The following SPTAN1 variants were observed in gnomAD, a reference collection of about 807,000 sequenced individuals.
The protein encoded by SPTAN1 is spectrin alpha, non-erythrocytic 1.
Under a neutral mutation model 331.3 loss-of-function variants are expected in SPTAN1, and 61 were observed. The ratio of observed to expected loss-of-function variants is 0.18; its 90% confidence interval spans 0.15 to 0.23. The LOEUF is 0.23. Ranked by LOEUF, SPTAN1 falls within the 10% of genes least tolerant of loss-of-function variation. SPTAN1 has a pLI of 1.00. For synonymous variants in SPTAN1, 1,153 were observed against 1,173.9 expected, an observed-to-expected ratio of 0.98 and a Z score of 0.36; for missense variants, 2,043 against 3,147.9, an observed-to-expected ratio of 0.65 and a Z score of 8.40.
chr9:128,552,818 G>C lies in SPTAN1; in HGVS notation c.-4+122G>C, dbSNP rs1003809677. 1.4e-4 allele frequency: 21 copies of C among 152,220 alleles called. No homozygotes were observed. Among genetic ancestry groups the C allele is most frequent in the Non-Finnish European group, 8.8e-5 (6 of 68,096 alleles). The allele number at this position is 152,220 out of a possible 1,614,324, so 9.4% of individuals were successfully genotyped here. A position where few individuals can be genotyped will look rare whatever the true frequency, so the allele number is the denominator to read the frequency against. ...GGCGCGCGGACAGGTGAGCCGGGCG[G>C]GCCGCGGGGCTGCCTCCATTCGGCT... On this transcript the variant is annotated intron_variant, in intron 1 of 56. Transcript: ENST00000372739. The surrounding 1 kb of genome is among the most constrained non-coding windows in gnomAD (Gnocchi z 4.6).
chr9:128,609,092 A>G lies in SPTAN1; in HGVS notation c.4596-30A>G, dbSNP rs578253313. 641 of 1,614,072 alleles carry G rather than the reference A, an allele frequency of 4.0e-4. 12 individuals carry two copies. In the South Asian group the frequency reaches 6.7e-3, roughly 17 times the overall value. ...TCCTTCTCCACGGTAAGATATGCTC[A>G]TGTTGGATCTCATGGTTTCACTCTT... On this transcript the variant is annotated intron_variant, in intron 35 of 56. Transcript: ENST00000372739.
chr9:128,608,146 G>C lies in SPTAN1; in HGVS notation c.4361G>C (p.Cys1454Ser). 6.2e-7 allele frequency: 1 copy of C among 1,614,194 alleles called. No individual in the cohort carries two copies. Among genetic ancestry groups the C allele is most frequent in the South Asian group, 1.1e-5 (1 of 91,084 alleles). The change falls in exon 34 of 57, where the codon TGT (cysteine) becomes TCT (serine). Residue 1454 changes from cysteine (C) to serine (S), a missense_variant. Physicochemically the swap from Cys to Ser is moderately radical, Grantham distance 112. Transcript: ENST00000372739. ...CCTCTTTAGCTGTTCCATCGGGACT[G>C]TGAGCAAGCTGAGAACTGGATGGCT... ...CLELQLFHRDCEQAENWMAAR... is the reference protein window; with the variant it reads ...CLELQLFHRDSEQAENWMAAR...
intron 45 of SPTAN1, chr9:128,621,634 C>G (rs1471079056): frequency 2.9e-6 from 1 of 340,290 alleles, no homozygotes; most frequent in Non-Finnish European, 5.7e-6. Flanking sequence ...ATCTTTGTGT[C>G]TGACCTGCCA....
At chr9:128,628,358 G>A in intron 51 of SPTAN1, 1 of 373,926 alleles carries the variant, frequency 2.7e-6, no homozygotes, top group Non-Finnish European at 5.2e-6. Context: ...GCAGTGCTGG[G>A]GGCTCAGGCA....
At chr9:128,597,261 C>T (rs1268530074) in intron 24 of SPTAN1, among the ~76,000 whole-genome samples, 1 of 152,190 alleles carries the variant, frequency 6.6e-6, no homozygotes, top group South Asian at 2.1e-4. Context: ...GCTTTGGCCT[C>T]CCATAGTCCT....
Position 128,591,572 on chromosome 9 carries a change from T to A in SPTAN1, c.3102T>A (p.Asn1034Lys), listed in dbSNP as rs760755333. 3.7e-6 allele frequency: 6 copies of A among 1,613,926 alleles called. No individual in the cohort carries two copies. The South Asian group carries it at 6.6e-5, about 18-fold the overall frequency. ...CCGCCCAGTCAGCCTCCCGGGAGAA[T>A]CTCCTGGAGGAGCAAGGCAGCATAG... Reference protein sequence around the residue: ...LDPAQSASRENLLEEQGSIAL... With the variant: ...LDPAQSASREKLLEEQGSIAL... Residue 1034 changes from asparagine (N) to lysine (K), a missense_variant, in exon 22 of 57, where the codon AAT (asparagine) becomes AAA (lysine). Physicochemically the swap from Asn to Lys is moderately conservative, Grantham distance 94. Transcript: ENST00000372739.
At chr9:128,562,027 G>C (rs984617664) in intron 1 of SPTAN1, among the ~76,000 whole-genome samples, 2 of 152,296 alleles carry the variant, frequency 1.3e-5, no homozygotes, top group African/African-American at 4.8e-5. Context: ...ATGAATGATA[G>C]AGGTGGGTGG....
chr9:128,625,358 G>A lies in SPTAN1; in HGVS notation c.6069+179G>A, dbSNP rs1232122504. Among the ~76,000 whole-genome samples, 2 of 152,210 alleles carry A rather than the reference G, an allele frequency of 1.3e-5. No individual in the cohort carries two copies. ...ACTGGGGAAGCAGACACAGAACCAG[G>A]CATCTCTGCAGCAGCCTGCTGGGTG... is the stretch of plus-strand genomic sequence containing the variant. On this transcript the variant is annotated intron_variant, in intron 47 of 56. Transcript: ENST00000372739. This position sits in a 1 kb window ranked among gnomAD's most constrained non-coding sequence, Gnocchi z 4.1.
At chr9:128,618,324 A>T (rs1241715543) in intron 43 of SPTAN1, among the ~76,000 whole-genome samples, 1 of 152,068 alleles carries the variant, frequency 6.6e-6, no homozygotes, top group African/African-American at 2.4e-5. Flanking sequence ...GTCCAGAATC[A>T]TACATGTTTC....
intron 9 of SPTAN1, among the ~76,000 whole-genome samples, chr9:128,578,860 T>G (rs1851622798): frequency 6.7e-6 from 1 of 148,790 alleles, no homozygotes. Flanking sequence ...AAAAACCTTC[T>G]GAGAGGTTTT....
In SPTAN1 at chr9:128,613,488, A is replaced by G; in HGVS notation, c.5148+3A>G. Reference sequence around the variant, plus strand: ...AAGCAGATATATCTGCCCATGAGGTAAGCAAAGGGAGGCGGGCCAGGCCCG... The same window carrying G: ...AAGCAGATATATCTGCCCATGAGGTGAGCAAAGGGAGGCGGGCCAGGCCCG... On this transcript the variant is annotated splice_donor_region_variant and intron_variant, in intron 40 of 56. Coordinates refer to ENST00000372739, the MANE Select transcript of SPTAN1 (RefSeq NM_001130438.3). 6.2e-7 allele frequency: 1 copy of G among 1,613,806 alleles called. No individual in the cohort carries two copies. The highest frequency in any genetic ancestry group is 8.5e-7 in the Non-Finnish European group (1 of 1,179,802).
chr9:128,604,879 G>A (rs905332540), intron 29 of SPTAN1, among the ~76,000 whole-genome samples, 155 bp from the exon 30 acceptor site: 2 of 152,132 alleles, frequency 1.3e-5, no homozygotes, highest in Admixed American at 1.3e-4. Flanking sequence ...GTTGCAGTGA[G>A]CTGAGATTGT....
intron 24 of SPTAN1, chr9:128,596,145 A>G (rs1418088333): frequency 1.3e-5 from 2 of 152,182 alleles, no homozygotes; most frequent in African/African-American, 2.4e-5. Context: ...CACCCGGCCC[A>G]TAATGTTTTC....
intron 1 of SPTAN1, among the ~76,000 whole-genome samples, chr9:128,557,676 A>C (rs1848797858): frequency 6.6e-6 from 1 of 151,998 alleles, no homozygotes; most frequent in Non-Finnish European, 1.5e-5. Flanking sequence ...CAATAAGACA[A>C]AGATATTCAT....
rs1848718347 is a variant in SPTAN1 at position 128,557,080 on chromosome 9, A to G, written c.-4+4384A>G. On this transcript the variant is annotated intron_variant, in intron 1 of 56. Coordinates refer to ENST00000372739, the MANE Select transcript of SPTAN1 (RefSeq NM_001130438.3). Reference sequence around the variant, plus strand: ...TCTGACTAAGCAACAAAAGCAACTGATGAATGGTTTCTATGATCTTTTGCT... The same window carrying G: ...TCTGACTAAGCAACAAAAGCAACTGGTGAATGGTTTCTATGATCTTTTGCT... 2.0e-5 allele frequency among the ~76,000 whole-genome samples: 3 copies of G among 152,220 alleles called. 1 individual carries two copies. In the South Asian group the frequency reaches 6.2e-4, roughly 32 times the overall value.
At chr9:128,584,152 G>T in intron 16 of SPTAN1, 130 bp from the exon 17 acceptor site, 1 of 1,497,568 alleles carries the variant, frequency 6.7e-7, no homozygotes, top group South Asian at 1.1e-5. Context: ...CTTTCTAGGA[G>T]CCCCAGATGA....
intron 1 of SPTAN1, chr9:128,553,135 G>T (rs1848315225): frequency 6.6e-6 from 1 of 152,260 alleles, no homozygotes; most frequent in African/African-American, 2.4e-5. Context: ...GACTTCTGCA[G>T]CTCGTTCTTC....
intron 26 of SPTAN1, chr9:128,599,242 C>T: frequency 6.3e-6 from 3 of 478,664 alleles, no homozygotes; most frequent in Admixed American, 3.2e-5. Context: ...TCAAGCGATT[C>T]TCCCATCTCA....
chr9:128,591,937 A>G (rs1853595482), intron 22 of SPTAN1, among the ~76,000 whole-genome samples: 2 of 152,208 alleles, frequency 1.3e-5, no homozygotes, highest in African/African-American at 2.4e-5. Flanking sequence ...CTACGCCCCT[A>G]CAGCTCTGTC....
Sources: allele counts gnomAD v4.1 joint callset (sites outside exome capture counted in the v4.1 genomes callset), GRCh38; gene constraint gnomAD v4.1.1; non-coding constraint Gnocchi (gnomAD v3.1); transcripts MANE v1.5; gene names NCBI Gene and HGNC (gene_info 2026-07-23, HGNC 2026-07-21).